The following RASSF3 variants were observed in gnomAD, a reference collection of about 807,000 sequenced individuals.
The protein encoded by RASSF3 is ras association domain-containing protein 3.
A neutral mutation model predicts 19.9 loss-of-function variants in RASSF3; 19 were observed. The observed-to-expected ratio is 0.96, with a 90% CI of 0.67 to 1.40. RASSF3 has a LOEUF of 1.40. RASSF3 is among the 40% of genes most tolerant of loss of function. The pLI is 0.00. For missense variants in RASSF3, 306 were observed against 289.8 expected (o/e 1.06, Z -0.41); for synonymous variants, 110 against 104.2 (o/e 1.06, Z -0.34).
At chr12:64,520,551 CACACATATATAT>C (rs1191953741) in intron 1 of RASSF3, among the ~76,000 whole-genome samples, 80 of 120,146 alleles carry the variant, frequency 6.7e-4, no homozygotes, top group South Asian at 2.0e-3. Flanking sequence ...TACACACATA[CACACATATATAT>C]ATATATATAT....
At chr12:64,543,771 C>G (rs908227214), downstream of RASSF3, among the ~76,000 whole-genome samples, 3 of 151,734 alleles carry the variant, frequency 2.0e-5, no homozygotes, top group African/African-American at 7.3e-5. Flanking sequence ...ATTGTGAATA[C>G]ACTAATTGGC....
chr12:64,508,879 T>TC (rs1868309385), intron 1 of RASSF3, among the ~76,000 whole-genome samples: 1 of 151,620 alleles, frequency 6.6e-6, no homozygotes. Flanking sequence ...AGAGTGAAAC[T>TC]CCGTCTCAAA....
At chr12:64,595,457 T>C (rs901426839) in intron 2 of RASSF3, among the ~76,000 whole-genome samples, 1 of 152,166 alleles carries the variant, frequency 6.6e-6, no homozygotes, top group African/African-American at 2.4e-5. Context: ...CACCTGGAAG[T>C]CCAAAACCAC....
At chr12:64,527,693 G>T (rs1868617126) in intron 1 of RASSF3, among the ~76,000 whole-genome samples, 1 of 152,162 alleles carries the variant, frequency 6.6e-6, no homozygotes, top group Admixed American at 6.5e-5. Context: ...CCAGCATTTT[G>T]GGAGGCCAAG....
At chr12:64,692,650 T>G (rs1868301594) in intron 4 of RASSF3, among the ~76,000 whole-genome samples, 1 of 152,204 alleles carries the variant, frequency 6.6e-6, no homozygotes, top group Non-Finnish European at 1.5e-5. Context: ...ATTAGCATAG[T>G]CTACTCAGTG....
At chr12:64,689,528 A>C (rs538866697) in intron 3 of RASSF3, among the ~76,000 whole-genome samples, 1 of 152,170 alleles carries the variant, frequency 6.6e-6, no homozygotes, top group Non-Finnish European at 1.5e-5. Context: ...GATGCAGTGC[A>C]TCTGGAAGTG....
At chr12:64,611,575 G>C (rs1429240898) in intron 1 of RASSF3, 1 of 152,248 alleles carries the variant, frequency 6.6e-6, no homozygotes, top group Non-Finnish European at 1.5e-5. Flanking sequence ...GCTAGAGCCC[G>C]CGGCCTCCTG....
intron 2 of RASSF3, among the ~76,000 whole-genome samples, chr12:64,588,793 C>G (rs755899001): frequency 6.6e-6 from 1 of 151,862 alleles, no homozygotes; most frequent in Non-Finnish European, 1.5e-5. Context: ...AGCATTTCTC[C>G]GTGGTTTTAA....
intron 1 of RASSF3, among the ~76,000 whole-genome samples, chr12:64,617,511 TA>T (rs1172448338): frequency 1.3e-5 from 2 of 152,220 alleles, no homozygotes; most frequent in African/African-American, 4.8e-5. Flanking sequence ...CTTTGAAATG[TA>T]GTTTTTCAGG....
intron 2 of RASSF3, among the ~76,000 whole-genome samples, chr12:64,581,110 T>TAA (rs749206943): frequency 4.5e-4 from 65 of 143,654 alleles, no homozygotes; most frequent in Middle Eastern, 7.2e-3. Context: ...ATTACTGTGG[T>TAA]AAAAAAAAAA....
At chr12:64,638,197 T>C (rs944343926) in intron 1 of RASSF3, among the ~76,000 whole-genome samples, 1 of 152,206 alleles carries the variant, frequency 6.6e-6, no homozygotes, top group African/African-American at 2.4e-5. Flanking sequence ...TGAACTATTA[T>C]GTTGTAAATA....
intron 1 of RASSF3, among the ~76,000 whole-genome samples, chr12:64,658,489 T>C (rs925595720): frequency 1.3e-5 from 2 of 152,154 alleles, no homozygotes; most frequent in African/African-American, 4.8e-5. Context: ...CTGTCTAAAC[T>C]AGTGAAAGTA....
chr12:64,520,595 T>TATATGC (rs1868458800), intron 1 of RASSF3, among the ~76,000 whole-genome samples: 2 of 142,602 alleles, frequency 1.4e-5, no homozygotes, highest in African/African-American at 5.2e-5. Flanking sequence ...TATATATATA[T>TATATGC]GCACATATAT....
chr12:64,575,324 C>A (rs375527066), intron 2 of RASSF3, among the ~76,000 whole-genome samples: 2 of 152,078 alleles, frequency 1.3e-5, no homozygotes, highest in Non-Finnish European at 2.9e-5. Context: ...GAGGCCAAGG[C>A]GGGCAGATCA....
chr12:64,559,297 G>T (rs935578700), intron 2 of RASSF3, among the ~76,000 whole-genome samples: 6 of 148,768 alleles, frequency 4.0e-5, no homozygotes, highest in Non-Finnish European at 5.9e-5. Flanking sequence ...AGGCTGGAGT[G>T]CAGTGGCGCG....
At position 64,588,026 on chromosome 12, in the gene RASSF3, A is replaced by G. The variant is rs73319609; in HGVS notation, c.294+46321A>G. Among the ~76,000 whole-genome samples the G allele has an allele frequency of 6.9e-3, 1,045 of 152,278 alleles. 7 individuals are homozygous for G. The highest frequency in any genetic ancestry group is 0.023 in the African/African-American group (938 of 41,572). ...GCGAGTTATTCCAAGTTTCGCTCAA[A>G]TGGTTACTGAGAATAAGAAGGAATA... is the stretch of plus-strand genomic sequence containing the variant. On this transcript the variant is annotated intron_variant, in intron 2 of 5. Coordinates refer to the RASSF3 transcript ENST00000637125.
intron 2 of RASSF3, among the ~76,000 whole-genome samples, chr12:64,550,856 A>G (rs181960542): frequency 1.3e-5 from 2 of 150,984 alleles, no homozygotes; most frequent in Admixed American, 6.6e-5. Flanking sequence ...GGAAAAAAAA[A>G]AGAGAGAAAG....
downstream of RASSF3, among the ~76,000 whole-genome samples, chr12:64,543,228 TGGCC>T (rs1476290041): frequency 7.0e-6 from 1 of 142,188 alleles, no homozygotes; most frequent in Non-Finnish European, 1.5e-5. Context: ...GCACTTGGAG[TGGCC>T]GGCCGGCGCC....
chr12:64,550,978 A>G (rs1322012944), intron 2 of RASSF3, among the ~76,000 whole-genome samples: 1 of 152,042 alleles, frequency 6.6e-6, no homozygotes, highest in Non-Finnish European at 1.5e-5. Context: ...TCCTTAGGCT[A>G]CTGTTTCTAT....
Sources: allele counts gnomAD v4.1 joint callset (sites outside exome capture counted in the v4.1 genomes callset), GRCh38; gene constraint gnomAD v4.1.1; transcripts MANE v1.5; gene names NCBI Gene and HGNC (gene_info 2026-07-23, HGNC 2026-07-21).